Variants in KIF3A observed in about 807,000 individuals in gnomAD.
KIF3A encodes kinesin-like protein KIF3A.
A neutral mutation model predicts 92.6 loss-of-function variants in KIF3A; 27 were observed. That is an observed-to-expected ratio of 0.29 (90% CI 0.21 to 0.40). The LOEUF is 0.40. KIF3A is among the 10% of genes least tolerant of loss of function. The probability of loss-of-function intolerance (pLI) is 1.00; values close to 1 mark genes in which losing one functional copy is unlikely to be tolerated. For missense variants in KIF3A, 581 were observed against 872.6 expected (o/e 0.67, Z 4.21); for synonymous variants, 250 against 275.4 (o/e 0.91, Z 0.92).
chr5:132,709,154 T>C (rs569362398), intron 9 of KIF3A, among the ~76,000 whole-genome samples, 176 bp from the exon 10 acceptor site: 46 of 152,346 alleles, frequency 3.0e-4, no homozygotes, highest in Admixed American at 1.0e-3. Context: ...GTTTATCCAA[T>C]ATTCTCTACT....
intron 2 of KIF3A, among the ~76,000 whole-genome samples, chr5:132,728,790 G>A (rs1036949514): frequency 6.7e-6 from 1 of 149,332 alleles, no homozygotes; most frequent in Non-Finnish European, 1.5e-5. Flanking sequence ...ACTATATTCT[G>A]GGCTGGGTGC....
chr5:132,726,274 A>C, intron 3 of KIF3A, 62 bp from the exon 4 acceptor site: 1 of 1,570,466 alleles, frequency 6.4e-7, no homozygotes, highest in Middle Eastern at 1.7e-4. Context: ...GTTTTAAAAT[A>C]TGTTTATAAA....
At chr5:132,736,553 CT>C (rs1217385868) in intron 1 of KIF3A, among the ~76,000 whole-genome samples, 1 of 152,196 alleles carries the variant, frequency 6.6e-6, no homozygotes, top group Non-Finnish European at 1.5e-5. Context: ...TCTTCAGGGC[CT>C]AGCATGTGGT....
rs1451722015 is a variant in KIF3A at position 132,726,452 on chromosome 5, G to A, written c.327C>T (p.Thr109=). 4 of 1,613,522 alleles carry A rather than the reference G, an allele frequency of 2.5e-6. No individual in the cohort carries two copies. Among genetic ancestry groups the A allele is most frequent in the Admixed American group, 1.7e-5 (1 of 60,000 alleles). Residue 109 remains threonine, a synonymous_variant, in exon 3 of 19, where the codon ACC becomes ACT. Transcript: ENST00000403231. ...CAGGAATAGCTCGAACACCTTCCATGGTAAAAGTTTTGCCTGTTCCGGTTT... is the reference window on the plus strand; with the variant it reads ...CAGGAATAGCTCGAACACCTTCCATAGTAAAAGTTTTGCCTGTTCCGGTTT... ...YGQTGTGKTF[T]MEGVRAIPEL...
At chr5:132,691,701 G>A (rs867830841), downstream of KIF3A, among the ~76,000 whole-genome samples, 7 of 151,812 alleles carry the variant, frequency 4.6e-5, no homozygotes, top group Admixed American at 2.0e-4. Context: ...TCAGGAGTTC[G>A]AGACCAGCCT....
At chr5:132,723,345 A>G (rs1273128073) in intron 4 of KIF3A, 2 of 152,252 alleles carry the variant, frequency 1.3e-5, no homozygotes, top group Non-Finnish European at 2.9e-5. Flanking sequence ...TTGCCAAGTC[A>G]ATTCTAAGCC....
chr5:132,690,271 G>A (rs1010946221), downstream of KIF3A, among the ~76,000 whole-genome samples: 1 of 151,964 alleles, frequency 6.6e-6, no homozygotes, highest in East Asian at 1.9e-4. Flanking sequence ...TGCACCTGTA[G>A]TCCTAGTTAC....
intron 2 of KIF3A, among the ~76,000 whole-genome samples, chr5:132,731,476 A>G (rs995725585): frequency 2.0e-5 from 3 of 152,214 alleles, no homozygotes; most frequent in Non-Finnish European, 4.4e-5. Context: ...CAGCGAACTA[A>G]GAATAGAAGG....
chr5:132,713,820 T>C (rs993091304), intron 8 of KIF3A, among the ~76,000 whole-genome samples: 1 of 151,628 alleles, frequency 6.6e-6, no homozygotes, highest in African/African-American at 2.4e-5. Context: ...ACAACACGGA[T>C]GACCCTTGAA....
chr5:132,715,194 G>C (rs560046149), intron 8 of KIF3A, among the ~76,000 whole-genome samples: 1 of 152,126 alleles, frequency 6.6e-6, no homozygotes, highest in Admixed American at 6.5e-5. Flanking sequence ...ACTGGGAAGC[G>C]TCTCACTCTC....
intron 2 of KIF3A, among the ~76,000 whole-genome samples, chr5:132,729,498 T>C (rs1010149435): frequency 6.6e-6 from 1 of 151,900 alleles, no homozygotes; most frequent in African/African-American, 2.4e-5. Context: ...CAAAACTATA[T>C]TCTGGGTCAT....
intron 4 of KIF3A, chr5:132,723,118 A>G (rs1753881442): frequency 6.6e-6 from 1 of 152,118 alleles, no homozygotes; most frequent in Admixed American, 6.6e-5. Context: ...CTTCAAGGAG[A>G]ACTACAAACC....
At chr5:132,718,466 C>T (rs1446537213) in intron 5 of KIF3A, among the ~76,000 whole-genome samples, 4 of 152,090 alleles carry the variant, frequency 2.6e-5, no homozygotes, top group Non-Finnish European at 5.9e-5. Flanking sequence ...CGCACCACCA[C>T]GCCCAGCTAA....
In KIF3A at chr5:132,696,634, T is replaced by A; in HGVS notation, c.2181A>T (p.Ter727TyrextTer5). The change falls in exon 19 of 19, where the codon TAA (stop) becomes TAT (tyrosine). Residue 727 changes from the stop codon to tyrosine, a stop_lost. Coordinates refer to ENST00000403231, the MANE Select transcript of KIF3A (RefSeq NM_001300791.2). ...TATTGTGACTTTAAGTCTGTAACAT[T>A]TACTGCAGTAAAGAGTCAATTACAG... is the stretch of plus-strand genomic sequence containing the variant. ...PETVIDSLLQ* is the reference protein window; with the variant it reads ...PETVIDSLLQY 6.3e-7 allele frequency: 1 copy of A among 1,594,144 alleles called. No homozygotes were observed. The highest frequency in any genetic ancestry group is 8.6e-7 in the Non-Finnish European group (1 of 1,162,172).
Position 132,716,659 on chromosome 5 carries a change from G to A in KIF3A, c.756+186C>T, listed in dbSNP as rs185395640. On this transcript the variant is annotated intron_variant, in intron 6 of 18. Transcript: ENST00000403231. Reference sequence around the variant, plus strand: ...GGAGTTGGGTGATCAGTGTATGGGGGATCACTATACTATTCTATCTACTTT... The same window carrying A: ...GGAGTTGGGTGATCAGTGTATGGGGAATCACTATACTATTCTATCTACTTT... Among the ~76,000 whole-genome samples, 4 of 152,180 alleles carry A rather than the reference G, an allele frequency of 2.6e-5. No individual in the cohort carries two copies. The East Asian group carries it at 7.7e-4, about 29-fold the overall frequency.
intron 2 of KIF3A, among the ~76,000 whole-genome samples, chr5:132,732,601 C>T (rs575003057): frequency 9.8e-4 from 149 of 152,078 alleles, no homozygotes; most frequent in Non-Finnish European, 1.6e-3. Context: ...ATGGTGAAAC[C>T]CCGTCTCTAC....
intron 11 of KIF3A, among the ~76,000 whole-genome samples, chr5:132,703,862 C>T (rs1753126037): frequency 6.6e-6 from 1 of 150,808 alleles, no homozygotes; most frequent in Non-Finnish European, 1.5e-5. Flanking sequence ...AGAACAAAAG[C>T]GAAAGAGAAG....
chr5:132,725,987 G>T, intron 4 of KIF3A, 141 bp downstream of exon 4: 1 of 527,780 alleles, frequency 1.9e-6, no homozygotes, highest in Non-Finnish European at 3.3e-6. Context: ...AGATATGTCT[G>T]CAGATGTACG....
chr5:132,706,360 C>A, intron 11 of KIF3A, 91 bp downstream of exon 11: 2 of 903,184 alleles, frequency 2.2e-6, no homozygotes, highest in South Asian at 2.6e-5. Context: ...AAAAAAACTA[C>A]TAAATTTTAA....
Sources: allele counts gnomAD v4.1 joint callset (sites outside exome capture counted in the v4.1 genomes callset), GRCh38; gene constraint gnomAD v4.1.1; transcripts MANE v1.5; gene names NCBI Gene and HGNC (gene_info 2026-07-23, HGNC 2026-07-21).